The following KIAA0319L variants were observed in gnomAD, a reference collection of about 807,000 sequenced individuals.
KIAA0319L encodes dyslexia-associated protein KIAA0319-like protein.
In KIAA0319L, 55 loss-of-function variants were observed where a neutral mutation model predicts 120.1. That is an observed-to-expected ratio of 0.46 (90% CI 0.37 to 0.57). The LOEUF is 0.57. KIAA0319L is among the 20% of genes least tolerant of loss of function. The pLI is 0.00. For synonymous variants in KIAA0319L, 398 were observed against 471.9 expected (o/e 0.84, Z 2.03); for missense variants, 1,049 against 1,255.3 (o/e 0.84, Z 2.48).
intron 2 of KIAA0319L, among the ~76,000 whole-genome samples, chr1:35,527,922 T>A (rs1173461428): frequency 6.6e-6 from 1 of 152,046 alleles, no homozygotes; most frequent in East Asian, 1.9e-4. Flanking sequence ...TAATTTTGGG[T>A]TTGGTTTGTC....
rs747721221 is a variant in KIAA0319L, at chr1:35,481,814, C to CT, written c.667-2603dup. On this transcript the variant is annotated intron_variant, in intron 3 of 20. Coordinates refer to ENST00000325722, the MANE Select transcript of KIAA0319L (RefSeq NM_024874.5). Reference sequence around the variant, plus strand: ...ACCCTAAGCAACCATTCTGCTGTTTCTTTTTTTTTTTTTTTTTTTTTTTTT... The same window carrying CT: ...ACCCTAAGCAACCATTCTGCTGTTTCTTTTTTTTTTTTTTTTTTTTTTTTTT... Among the ~76,000 whole-genome samples the CT allele has an allele frequency of 2.4e-3, 116 of 48,958 alleles. 9 individuals are homozygous for CT. Among genetic ancestry groups the CT allele is most frequent in the South Asian group, 6.5e-3 (5 of 772 alleles). 32.1% of individuals were successfully genotyped at this position (48,958 alleles called of 152,430 possible).
intron 3 of KIAA0319L, among the ~76,000 whole-genome samples, chr1:35,497,437 T>A (rs903410380): frequency 1.3e-5 from 2 of 152,148 alleles, no homozygotes; most frequent in African/African-American, 4.8e-5. Context: ...CTATAATGAC[T>A]AAAAGCAGAT....
At chr1:35,554,655 T>A (rs1647666517) in intron 1 of KIAA0319L, 136 bp from the exon 2 acceptor site, 2 of 515,114 alleles carry the variant, frequency 3.9e-6, no homozygotes, top group East Asian at 6.4e-5. Context: ...CAACCCTGCC[T>A]ATAAATTTTA....
At chr1:35,537,698 A>C (rs777566875) in intron 2 of KIAA0319L, among the ~76,000 whole-genome samples, 10 of 151,862 alleles carry the variant, frequency 6.6e-5, no homozygotes, top group Non-Finnish European at 2.9e-5. Context: ...AGATACTTAA[A>C]TATCTCGAAC....
intron 2 of KIAA0319L, among the ~76,000 whole-genome samples, chr1:35,538,537 G>A (rs1646669642): frequency 7.1e-6 from 1 of 141,466 alleles, no homozygotes; most frequent in East Asian, 2.2e-4. Context: ...ACTGCAGTGA[G>A]CTGAGATCAT....
chr1:35,467,760 C>T (rs1266302503), intron 6 of KIAA0319L, among the ~76,000 whole-genome samples: 2 of 151,760 alleles, frequency 1.3e-5, no homozygotes, highest in African/African-American at 4.8e-5. Context: ...GCAATCTTGA[C>T]TCACTGCAAC....
chr1:35,484,793 TATATA>T (rs1422840175), intron 3 of KIAA0319L, among the ~76,000 whole-genome samples: 99 of 61,146 alleles, frequency 1.6e-3, no homozygotes, highest in East Asian at 2.3e-3. Flanking sequence ...TATATATATA[TATATA>T]TATATATATT....
intron 5 of KIAA0319L, among the ~76,000 whole-genome samples, chr1:35,472,621 G>A (rs376625185): frequency 6.6e-6 from 1 of 151,664 alleles, no homozygotes. Flanking sequence ...AATGGACCTG[G>A]AGGGATCCTA....
chr1:35,459,558 C>G (rs1642740045), intron 9 of KIAA0319L, among the ~76,000 whole-genome samples: 1 of 151,296 alleles, frequency 6.6e-6, no homozygotes, highest in East Asian at 1.9e-4. Context: ...AATCACGCCA[C>G]TGCACCCCAG....
intron 3 of KIAA0319L, among the ~76,000 whole-genome samples, chr1:35,487,923 G>A (rs1644449577): frequency 6.6e-6 from 1 of 152,184 alleles, no homozygotes; most frequent in Non-Finnish European, 1.5e-5. Context: ...GATTTTAGCA[G>A]AGTTCACAGT....
At chr1:35,442,459 G>A in intron 18 of KIAA0319L, 123 bp from the exon 19 acceptor site, 1 of 762,694 alleles carries the variant, frequency 1.3e-6, no homozygotes, top group African/African-American at 1.7e-5. Flanking sequence ...GGCTCCCCAG[G>A]AAGGTAAGAC....
In KIAA0319L at chr1:35,460,428, T is replaced by A; in HGVS notation, c.1304A>T (p.Asp435Val). ...ATGGTACTGAACGATTTTATCATCA[T>A]CAGTGCTTTCTTGACCATAAAGAAA... is the stretch of plus-strand genomic sequence containing the variant. The part of the protein sequence containing the change: ...STVIDGSQST[D>V]DDKIVQYHWE... Residue 435 changes from aspartate (D) to valine (V), a missense_variant, in exon 9 of 21, where the codon GAT (aspartate) becomes GTT (valine). Asp to Val is a radical substitution (Grantham distance 152). Coordinates refer to ENST00000325722, the MANE Select transcript of KIAA0319L (RefSeq NM_024874.5). 1 of 1,613,166 alleles carries A rather than the reference T, an allele frequency of 6.2e-7. No individual in the cohort carries two copies. Among genetic ancestry groups the A allele is most frequent in the Non-Finnish European group, 8.5e-7 (1 of 1,179,562 alleles).
chr1:35,536,969 C>T (rs1646597883), intron 2 of KIAA0319L, among the ~76,000 whole-genome samples: 1 of 152,066 alleles, frequency 6.6e-6, no homozygotes, highest in Non-Finnish European at 1.5e-5. Flanking sequence ...CACCTTATGA[C>T]TAAAAGACTC....
intron 15 of KIAA0319L, among the ~76,000 whole-genome samples, chr1:35,448,821 C>T (rs148682603): frequency 1.2e-3 from 184 of 152,268 alleles, no homozygotes; most frequent in African/African-American, 4.1e-3. Flanking sequence ...ATCCGTCCCT[C>T]CAGGTTTAAA....
intron 2 of KIAA0319L, among the ~76,000 whole-genome samples, chr1:35,549,635 G>C (rs1461761176): frequency 6.6e-6 from 1 of 152,142 alleles, no homozygotes; most frequent in African/African-American, 2.4e-5. Flanking sequence ...TTAGGTCCTT[G>C]CATCCCCCAC....
chr1:35,513,293 T>A (rs1257808349), intron 2 of KIAA0319L, among the ~76,000 whole-genome samples: 1,501 of 126,782 alleles, frequency 0.012, 5 homozygotes, highest in African/African-American at 0.025. Flanking sequence ...TATATATTTT[T>A]TTTTTTTTTT....
chr1:35,545,122 A>G (rs764516743), intron 2 of KIAA0319L, among the ~76,000 whole-genome samples: 4 of 152,152 alleles, frequency 2.6e-5, no homozygotes, highest in Non-Finnish European at 4.4e-5. Flanking sequence ...TGGCTAGACT[A>G]CAAAGGCATG....
intron 5 of KIAA0319L, among the ~76,000 whole-genome samples, chr1:35,471,413 G>A (rs537681061): frequency 3.3e-5 from 5 of 152,290 alleles, no homozygotes; most frequent in Admixed American, 6.5e-5. Flanking sequence ...AACAATGCTC[G>A]TCTCACTGAG....
intron 4 of KIAA0319L, among the ~76,000 whole-genome samples, chr1:35,477,683 A>C (rs1321986061): frequency 6.6e-6 from 1 of 151,496 alleles, no homozygotes; most frequent in African/African-American, 2.4e-5. Flanking sequence ...AAAAAAAAAA[A>C]AAAAACCTAC....
Sources: gnomAD v4.1 joint callset for allele counts (sites outside exome capture counted in the v4.1 genomes callset) on GRCh38, gnomAD v4.1.1 for gene constraint, MANE v1.5 for transcripts, NCBI Gene and HGNC (gene_info 2026-07-23, HGNC 2026-07-21) for gene names.